The following PLCL1 variants were observed in gnomAD, a reference collection of about 807,000 sequenced individuals.
The protein encoded by PLCL1 is inactive phospholipase C-like protein 1.
In PLCL1, 41 loss-of-function variants were observed where a neutral mutation model predicts 84.4. That is an observed-to-expected ratio of 0.49 (90% CI 0.38 to 0.63). The LOEUF is 0.63. Ranked by LOEUF, PLCL1 falls within the 30% of genes least tolerant of loss-of-function variation. PLCL1 has a pLI of 0.00. For synonymous variants in PLCL1, 490 were observed against 488.3 expected, an observed-to-expected ratio of 1.00 and a Z score of -0.05; for missense variants, 1,206 against 1,367.8, an observed-to-expected ratio of 0.88 and a Z score of 1.87.
At chr2:197,821,282 G>A (rs558217692) in intron 1 of PLCL1, among the ~76,000 whole-genome samples, 63 of 152,238 alleles carry the variant, frequency 4.1e-4, no homozygotes, top group Non-Finnish European at 6.9e-4. Flanking sequence ...TTTAAAGGAG[G>A]AATTTAGCTG....
chr2:197,942,400 C>T (rs760074260), intron 1 of PLCL1, among the ~76,000 whole-genome samples: 1 of 152,150 alleles, frequency 6.6e-6, no homozygotes, highest in African/African-American at 2.4e-5. Flanking sequence ...TCTTTCCCCA[C>T]CAAACTTCCA....
At chr2:197,992,851 C>G (rs939917124) in intron 1 of PLCL1, among the ~76,000 whole-genome samples, 3 of 152,044 alleles carry the variant, frequency 2.0e-5, no homozygotes, top group African/African-American at 7.2e-5. Flanking sequence ...AGCATGTGTT[C>G]AAAATTTTCT....
intron 3 of PLCL1, among the ~76,000 whole-genome samples, chr2:198,093,016 C>T (rs535955317): frequency 3.3e-5 from 5 of 152,258 alleles, no homozygotes; most frequent in African/African-American, 1.2e-4. Flanking sequence ...CTTGATTTTA[C>T]CTCTCTGACA....
rs546632243 is a variant in PLCL1, at chr2:198,000,868, T to C, written c.241-82890T>C. 3.9e-5 allele frequency among the ~76,000 whole-genome samples: 6 copies of C among 152,288 alleles called. 1 individual carries two copies. The South Asian group carries it at 1.2e-3, about 32-fold the overall frequency. On this transcript the variant is annotated intron_variant, in intron 1 of 5. Transcript: ENST00000428675. ...TCATAAAAAATATGCACAGTTCCTA[T>C]TCTCATGGAGCGGATAGTTGATTTA...
chr2:198,058,883 T>A (rs972666040), intron 1 of PLCL1, among the ~76,000 whole-genome samples: 8 of 152,226 alleles, frequency 5.3e-5, no homozygotes, highest in Non-Finnish European at 1.2e-4. Context: ...TAAATACTCA[T>A]GCAAAAACAG....
intron 1 of PLCL1, among the ~76,000 whole-genome samples, chr2:197,896,918 C>G (rs6718039): frequency 0.52 from 78,283 of 151,594 alleles, 21,353 homozygotes; most frequent in African/African-American, 0.65. Flanking sequence ...TTAAAATTAC[C>G]CTCTGTATTT....
At chr2:197,823,971 A>G (rs1345098848) in intron 1 of PLCL1, among the ~76,000 whole-genome samples, 1 of 152,178 alleles carries the variant, frequency 6.6e-6, no homozygotes, top group Non-Finnish European at 1.5e-5. Flanking sequence ...AGAGTAAAAG[A>G]ATGAGCTATA....
chr2:197,956,919 G>T (rs1413947016), intron 1 of PLCL1, among the ~76,000 whole-genome samples: 1 of 151,978 alleles, frequency 6.6e-6, no homozygotes, highest in Non-Finnish European at 1.5e-5. Context: ...AAGCTCTTTA[G>T]TTCAATTATA....
At chr2:198,051,775 G>A (rs954550048) in intron 1 of PLCL1, among the ~76,000 whole-genome samples, 3 of 151,958 alleles carry the variant, frequency 2.0e-5, no homozygotes, top group African/African-American at 7.3e-5. Context: ...TTGCTCTGTC[G>A]CCAGGCTGGA....
At chr2:197,940,905 C>A (rs1209356856) in intron 1 of PLCL1, among the ~76,000 whole-genome samples, 19 of 152,040 alleles carry the variant, frequency 1.2e-4, no homozygotes, top group Admixed American at 1.2e-3. Context: ...ATCAGAAAAG[C>A]ATTATTTAAA....
At chr2:198,117,301 A>G (rs750988866) in intron 5 of PLCL1, among the ~76,000 whole-genome samples, 15 of 151,068 alleles carry the variant, frequency 9.9e-5, no homozygotes, top group Non-Finnish European at 1.8e-4. Flanking sequence ...TGGGTCAGAA[A>G]TATGGGTCTC....
At chr2:198,048,370 T>C (rs1281026565) in intron 1 of PLCL1, among the ~76,000 whole-genome samples, 1 of 152,210 alleles carries the variant, frequency 6.6e-6, no homozygotes, top group East Asian at 1.9e-4. Context: ...AAACAAGCTC[T>C]CTTAGACCCT....
chr2:198,085,373 A>G lies in PLCL1; in HGVS notation c.1856A>G (p.Glu619Gly). The G allele has an allele frequency of 2.5e-6, 4 of 1,611,814 alleles. No homozygotes were observed. Among genetic ancestry groups the G allele is most frequent in the Non-Finnish European group, 3.4e-6 (4 of 1,178,274 alleles). ...GAAATGTGTTCATTTAGTGAAACAG[A>G]GGCCAGCCGCATTGCAAATGAGTAC... ...YWEMCSFSETEASRIANEYPE... is the reference protein window; with the variant it reads ...YWEMCSFSETGASRIANEYPE... The change falls in exon 2 of 6, where the codon GAG (glutamate) becomes GGG (glycine). Residue 619 changes from glutamate (E) to glycine (G), a missense_variant. By Grantham distance (98) the Glu-to-Gly change is moderately conservative. Coordinates refer to ENST00000428675, the MANE Select transcript of PLCL1 (RefSeq NM_006226.4). The surrounding 1 kb of genome is among the most constrained non-coding windows in gnomAD (Gnocchi z 5.3).
intron 1 of PLCL1, among the ~76,000 whole-genome samples, chr2:197,815,456 AGAG>A (rs1690668400): frequency 6.6e-6 from 1 of 152,190 alleles, no homozygotes; most frequent in South Asian, 2.1e-4. Context: ...ATGGAAATGT[AGAG>A]GAGATTAATG....
intron 1 of PLCL1, among the ~76,000 whole-genome samples, chr2:197,835,378 G>T (rs866496379): frequency 6.6e-6 from 1 of 152,140 alleles, no homozygotes; most frequent in South Asian, 2.1e-4. Flanking sequence ...GTGACATTTA[G>T]TATATTCACA....
At chr2:197,976,120 C>A (rs943133115) in intron 1 of PLCL1, among the ~76,000 whole-genome samples, 40 of 152,156 alleles carry the variant, frequency 2.6e-4, no homozygotes, top group Admixed American at 2.1e-3. Flanking sequence ...GTCGTCATTT[C>A]TTTCAATTTT....
chr2:197,996,271 A>C (rs1690463424), intron 1 of PLCL1, among the ~76,000 whole-genome samples: 1 of 152,154 alleles, frequency 6.6e-6, no homozygotes, highest in Non-Finnish European at 1.5e-5. Context: ...TGAAGAATGC[A>C]CAGAGAGATG....
chr2:197,816,966 C>T (rs977781630), intron 1 of PLCL1, among the ~76,000 whole-genome samples: 1 of 152,054 alleles, frequency 6.6e-6, no homozygotes, highest in African/African-American at 2.4e-5. Flanking sequence ...CTTGTGGATG[C>T]TTTATTGTGT....
intron 1 of PLCL1, among the ~76,000 whole-genome samples, chr2:197,867,566 T>C (rs998036939): frequency 1.3e-5 from 2 of 152,160 alleles, no homozygotes; most frequent in Non-Finnish European, 2.9e-5. Flanking sequence ...TTGTTTCTAG[T>C]CCCATTTAGT....
Sources: gnomAD v4.1 joint callset for allele counts (sites outside exome capture counted in the v4.1 genomes callset) on GRCh38, gnomAD v4.1.1 for gene constraint, Gnocchi (gnomAD v3.1) non-coding constraint, MANE v1.5 for transcripts, NCBI Gene and HGNC (gene_info 2026-07-23, HGNC 2026-07-21) for gene names.